CNTN4: variants seen among roughly 807,000 people sequenced by gnomAD.
CNTN4 encodes the protein contactin-4.
A neutral mutation model predicts 122.5 loss-of-function variants in CNTN4; 77 were observed. The observed-to-expected ratio is 0.63, with a 90% CI of 0.52 to 0.76. The LOEUF (loss-of-function observed/expected upper bound fraction) is 0.76. Among genes scored for constraint, CNTN4 ranks in the 30% least tolerant of loss-of-function variants. CNTN4 has a pLI of 0.00. For missense variants in CNTN4, 1,256 were observed against 1,259.1 expected, an observed-to-expected ratio of 1.00 and a Z score of 0.04; for synonymous variants, 512 against 447.0, an observed-to-expected ratio of 1.15 and a Z score of -1.83.
intron 12 of CNTN4, among the ~76,000 whole-genome samples, chr3:2,916,895 G>A (rs1032755855): frequency 4.0e-5 from 6 of 150,698 alleles, no homozygotes; most frequent in South Asian, 2.1e-4. Context: ...CTTCCTAGAC[G>A]GGGTGGCGGC....
chr3:2,693,251 T>G (rs920070957), intron 4 of CNTN4, among the ~76,000 whole-genome samples: 9 of 152,208 alleles, frequency 5.9e-5, no homozygotes, highest in Admixed American at 3.9e-4. Context: ...TTTCTTGAGA[T>G]TTGACCAGTG....
chr3:2,684,933 C>T (rs899550014), intron 4 of CNTN4, among the ~76,000 whole-genome samples: 6 of 152,118 alleles, frequency 3.9e-5, no homozygotes, highest in Non-Finnish European at 8.8e-5. Context: ...CAGGCCAGGG[C>T]CTTGTTCAGG....
Position 2,546,124 on chromosome 3 carries a change from C to T in CNTN4, c.-88-25292C>T, listed in dbSNP as rs149867523. 1.5e-3 allele frequency among the ~76,000 whole-genome samples: 229 copies of T among 152,170 alleles called. 2 individuals are homozygous for T. The highest frequency in any genetic ancestry group is 5.1e-3 in the African/African-American group (210 of 41,538). On this transcript the variant is annotated intron_variant, in intron 3 of 24. Transcript: ENST00000418658. ...AGCAATGTGGTGATTTGTCAAAGAACTTAAAACAGAATTAGCATTTGACTC... is the reference window on the plus strand; with the variant it reads ...AGCAATGTGGTGATTTGTCAAAGAATTTAAAACAGAATTAGCATTTGACTC...
At chr3:2,548,970 C>G (rs563211814) in intron 3 of CNTN4, among the ~76,000 whole-genome samples, 2 of 152,188 alleles carry the variant, frequency 1.3e-5, no homozygotes, top group African/African-American at 4.8e-5. Context: ...TGATTTGGCT[C>G]TCTGTTTGTC....
intron 6 of CNTN4, among the ~76,000 whole-genome samples, chr3:2,764,733 A>G (rs886113935): frequency 1.3e-5 from 2 of 152,200 alleles, no homozygotes; most frequent in Non-Finnish European, 2.9e-5. Flanking sequence ...ATCGTCAACC[A>G]TCCACCTGTA....
intron 2 of CNTN4, among the ~76,000 whole-genome samples, chr3:2,278,021 G>T (rs1391735160): frequency 6.6e-6 from 1 of 152,072 alleles, no homozygotes; most frequent in Non-Finnish European, 1.5e-5. Flanking sequence ...AACTTGTAAA[G>T]TGTGTGCAGG....
At chr3:2,508,197 G>T (rs1216707114) in intron 3 of CNTN4, among the ~76,000 whole-genome samples, 2 of 152,100 alleles carry the variant, frequency 1.3e-5, no homozygotes, top group African/African-American at 4.8e-5. Context: ...CATTGCTTTT[G>T]GTTGGAAAAG....
intron 2 of CNTN4, among the ~76,000 whole-genome samples, chr3:2,265,946 A>G (rs2041026718): frequency 6.6e-6 from 1 of 152,076 alleles, no homozygotes; most frequent in Non-Finnish European, 1.5e-5. Context: ...GAATTTGTGT[A>G]TCAGATTTAA....
At position 2,906,525 on chromosome 3, in the gene CNTN4, G is replaced by A. The variant is rs138173107; in HGVS notation, c.1207+3520G>A. On this transcript the variant is annotated intron_variant, in intron 12 of 24. Transcript: ENST00000418658. ...GATTCAAATACATAAAGCATATATC[G>A]GAAAATTTAAACTTGAAAAAGAAAG... Among the ~76,000 whole-genome samples, 45 of 151,846 alleles carry A rather than the reference G, an allele frequency of 3.0e-4. No homozygotes were observed. The East Asian group carries it at 7.2e-3, about 24-fold the overall frequency.
At chr3:2,798,460 A>G (rs2092265912) in intron 6 of CNTN4, among the ~76,000 whole-genome samples, 1 of 150,628 alleles carries the variant, frequency 6.6e-6, no homozygotes, top group South Asian at 2.1e-4. Context: ...GGTTGATTCC[A>G]TATCTTTGCT....
At chr3:2,521,344 C>CGCCCACG (rs11391494) in intron 3 of CNTN4, among the ~76,000 whole-genome samples, 1 of 22,968 alleles carries the variant, frequency 4.4e-5, no homozygotes, top group Admixed American at 5.6e-4. Context: ...CTCTACCCAT[C>CGCCCACG]CCCCCCACCC....
intron 4 of CNTN4, among the ~76,000 whole-genome samples, chr3:2,653,688 C>G (rs1205875447): frequency 6.6e-6 from 1 of 152,146 alleles, no homozygotes; most frequent in Non-Finnish European, 1.5e-5. Context: ...TGTATTGCTT[C>G]TATCTGTGTG....
At chr3:2,450,693 A>G (rs929498916) in intron 3 of CNTN4, among the ~76,000 whole-genome samples, 1 of 152,218 alleles carries the variant, frequency 6.6e-6, no homozygotes, top group Non-Finnish European at 1.5e-5. Flanking sequence ...ATAACTCCCA[A>G]TACAGGCTCC....
At chr3:2,419,617 T>C (rs2047542641) in intron 3 of CNTN4, among the ~76,000 whole-genome samples, 1 of 152,132 alleles carries the variant, frequency 6.6e-6, no homozygotes, top group Admixed American at 6.5e-5. Flanking sequence ...ATTGTGTAAA[T>C]AAATCTAAAA....
Position 2,343,420 on chromosome 3 carries a change from G to A in CNTN4, c.-89+4187G>A, listed in dbSNP as rs150416374. On this transcript the variant is annotated intron_variant, in intron 3 of 24. Coordinates refer to ENST00000418658, the MANE Select transcript of CNTN4 (RefSeq NM_175607.3). Reference sequence around the variant, plus strand: ...TGCCCCCTCCTGCAACCAATCAGACGTTTGCATAGGGTGTAACTTTGTAAC... The same window carrying A: ...TGCCCCCTCCTGCAACCAATCAGACATTTGCATAGGGTGTAACTTTGTAAC... Among the ~76,000 whole-genome samples the A allele has an allele frequency of 1.9e-4, 29 of 152,226 alleles. No homozygotes were observed. In the East Asian group the frequency reaches 4.8e-3, roughly 25 times the overall value.
At chr3:2,241,654 A>G (rs770969358) in intron 2 of CNTN4, among the ~76,000 whole-genome samples, 12 of 152,324 alleles carry the variant, frequency 7.9e-5, no homozygotes, top group Non-Finnish European at 1.0e-4. Flanking sequence ...GAGCTCATCC[A>G]GAACACATTG....
At chr3:2,119,184 T>TG (rs900414111) in intron 2 of CNTN4, among the ~76,000 whole-genome samples, 2 of 152,226 alleles carry the variant, frequency 1.3e-5, no homozygotes, top group African/African-American at 4.8e-5. Flanking sequence ...TCTCTGGCTG[T>TG]GACATTAACT....
chr3:2,577,150 C>G (rs2079728353), intron 4 of CNTN4, among the ~76,000 whole-genome samples: 2 of 152,198 alleles, frequency 1.3e-5, no homozygotes, highest in African/African-American at 4.8e-5. Flanking sequence ...ACTTCTGCTT[C>G]TTGGTATCAC....
chr3:2,515,513 C>T (rs1030330180), intron 3 of CNTN4, among the ~76,000 whole-genome samples: 1 of 151,990 alleles, frequency 6.6e-6, no homozygotes, highest in African/African-American at 2.4e-5. Context: ...AGGCATACAT[C>T]ATTTTATTAA....
Sources: allele counts gnomAD v4.1 joint callset (sites outside exome capture counted in the v4.1 genomes callset), GRCh38; gene constraint gnomAD v4.1.1; transcripts MANE v1.5; gene names NCBI Gene and HGNC (gene_info 2026-07-23, HGNC 2026-07-21).